Variants in FAM3C observed in about 807,000 individuals in gnomAD.
FAM3C encodes the protein protein FAM3C.
In FAM3C, 15 loss-of-function variants were observed where a neutral mutation model predicts 32.5. That is an observed-to-expected ratio of 0.46 (90% CI 0.31 to 0.71). The LOEUF is 0.71. Among genes scored for constraint, FAM3C ranks in the 30% least tolerant of loss-of-function variants. The pLI is 0.05. For synonymous variants in FAM3C, 75 were observed against 86.1 expected (o/e 0.87, Z 0.72); for missense variants, 175 against 274.4 (o/e 0.64, Z 2.56).
At chr7:121,385,908 T>A (rs1374006748) in intron 1 of FAM3C, among the ~76,000 whole-genome samples, 1 of 152,144 alleles carries the variant, frequency 6.6e-6, no homozygotes, top group Non-Finnish European at 1.5e-5. Context: ...CAGCAGCATA[T>A]ATGAGATCAG....
intron 7 of FAM3C, chr7:121,362,636 G>A: frequency 2.5e-6 from 1 of 403,280 alleles, no homozygotes; most frequent in Non-Finnish European, 4.3e-6. Flanking sequence ...TAGAAAACAA[G>A]ATGACTTTTT....
At chr7:121,380,767 T>G (rs1015856847) in intron 2 of FAM3C, among the ~76,000 whole-genome samples, 2 of 120,772 alleles carry the variant, frequency 1.7e-5, no homozygotes, top group African/African-American at 6.2e-5. Context: ...GACACTCACA[T>G]ATACCGTTTA....
chr7:121,354,408 G>A (rs1476206347), intron 8 of FAM3C, among the ~76,000 whole-genome samples: 2 of 152,096 alleles, frequency 1.3e-5, no homozygotes, highest in Non-Finnish European at 2.9e-5. Flanking sequence ...GACAGAGAAC[G>A]GTATCAGGTT....
At chr7:121,353,005 A>G (rs1793737634) in intron 8 of FAM3C, among the ~76,000 whole-genome samples, 1 of 152,162 alleles carries the variant, frequency 6.6e-6, no homozygotes, top group Non-Finnish European at 1.5e-5. Flanking sequence ...AGCTAAATGG[A>G]CTGCCTCCTG....
chr7:121,360,201 T>C, intron 7 of FAM3C, 74 bp from the exon 8 acceptor site: 2 of 781,636 alleles, frequency 2.6e-6, no homozygotes, highest in Non-Finnish European at 2.3e-6. Flanking sequence ...GAAAGTAGTA[T>C]TATAAAACAT....
chr7:121,366,596 T>G (rs1217269345), intron 5 of FAM3C, among the ~76,000 whole-genome samples: 1 of 152,086 alleles, frequency 6.6e-6, no homozygotes, highest in Admixed American at 6.6e-5. Context: ...GGTTTCTTTT[T>G]GAGGTATAAA....
intron 8 of FAM3C, among the ~76,000 whole-genome samples, chr7:121,356,664 G>GGTGAC (rs1793816365): frequency 6.6e-6 from 1 of 152,166 alleles, no homozygotes; most frequent in Non-Finnish European, 1.5e-5. Context: ...AGGCTCCAAT[G>GGTGAC]CTGCTTTAGG....
intron 8 of FAM3C, among the ~76,000 whole-genome samples, chr7:121,352,836 T>C (rs1018572673): frequency 6.6e-6 from 1 of 152,258 alleles, no homozygotes; most frequent in African/African-American, 2.4e-5. Flanking sequence ...TCTAAAAGGC[T>C]GTCAAATTCC....
At chr7:121,385,192 G>A (rs2116955681) in intron 1 of FAM3C, among the ~76,000 whole-genome samples, 1 of 152,140 alleles carries the variant, frequency 6.6e-6, no homozygotes, top group South Asian at 2.1e-4. Context: ...TTAAAAGGTA[G>A]AAATATAGAT....
chr7:121,368,972 G>GTTTTTTTTTTTTTTTTTTTTTTTTTTT (rs563834740), intron 5 of FAM3C, among the ~76,000 whole-genome samples: 1 of 96,200 alleles, frequency 1.0e-5, no homozygotes, highest in Non-Finnish European at 2.0e-5. Context: ...TGTTGTTGTT[G>GTTTTTTTTTTTTTTTTTTTTTTTTTTT]TTTTTTTTTT....
intron 8 of FAM3C, among the ~76,000 whole-genome samples, chr7:121,357,318 C>A (rs1269111728): frequency 6.6e-6 from 1 of 152,076 alleles, no homozygotes; most frequent in Non-Finnish European, 1.5e-5. Flanking sequence ...ATTCAGTGTA[C>A]GCACTTAACT....
At chr7:121,381,656 C>A (rs944818295) in intron 2 of FAM3C, among the ~76,000 whole-genome samples, 2 of 142,240 alleles carry the variant, frequency 1.4e-5, no homozygotes, top group Non-Finnish European at 3.1e-5. Flanking sequence ...CAAAGAACAT[C>A]CACACACACA....
At chr7:121,363,281 T>C (rs1793963618) in intron 6 of FAM3C, among the ~76,000 whole-genome samples, 1 of 152,214 alleles carries the variant, frequency 6.6e-6, no homozygotes, top group Non-Finnish European at 1.5e-5. Context: ...TCTCTTATTT[T>C]AAAATTACTC....
In FAM3C at chr7:121,371,311, C is replaced by T; in HGVS notation, c.261G>A (p.Leu87=). ...AANVVGPKIC[L]EDNVLMSGVK... is the part of the protein sequence containing the mutation. ...CAACAAAGACTTACACATTATCTTC[C>T]AGGCAGATTTTGGGTCCCACCACGT... The change falls in exon 5 of 10, where the codon CTG becomes CTA. Residue 87 remains leucine (L), a synonymous_variant. Coordinates refer to ENST00000359943, the MANE Select transcript of FAM3C (RefSeq NM_014888.3). 6.2e-7 allele frequency: 1 copy of T among 1,613,068 alleles called. No individual in the cohort carries two copies. The highest frequency in any genetic ancestry group is 8.5e-7 in the Non-Finnish European group (1 of 1,179,856).
chr7:121,360,491 C>T (rs1253626316), intron 7 of FAM3C, among the ~76,000 whole-genome samples: 2 of 152,120 alleles, frequency 1.3e-5, no homozygotes, highest in South Asian at 4.1e-4. Flanking sequence ...GGGGTCCATG[C>T]ATAAGCTTAA....
At chr7:121,371,670 T>C (rs1360948349) in intron 4 of FAM3C, among the ~76,000 whole-genome samples, 1 of 152,158 alleles carries the variant, frequency 6.6e-6, no homozygotes. Context: ...TAATAATGGA[T>C]GCAAATGAGT....
At chr7:121,380,475 T>C (rs1451235057) in intron 2 of FAM3C, among the ~76,000 whole-genome samples, 1 of 151,852 alleles carries the variant, frequency 6.6e-6, no homozygotes, top group Non-Finnish European at 1.5e-5. Flanking sequence ...TTCTCATTCA[T>C]AAGCAAAAGC....
intron 8 of FAM3C, among the ~76,000 whole-genome samples, chr7:121,354,261 T>C (rs1248516304): frequency 6.6e-6 from 1 of 152,200 alleles, no homozygotes; most frequent in Non-Finnish European, 1.5e-5. Context: ...CATAGGGCAC[T>C]CTGAGTTTGT....
At chr7:121,375,474 T>A (rs561066860) in intron 3 of FAM3C, among the ~76,000 whole-genome samples, 3 of 152,270 alleles carry the variant, frequency 2.0e-5, no homozygotes, top group Admixed American at 6.5e-5. Context: ...TATCCTCTAG[T>A]AACTGGAAAT....
Sources: gnomAD v4.1 joint callset for allele counts (sites outside exome capture counted in the v4.1 genomes callset) on GRCh38, gnomAD v4.1.1 for gene constraint, MANE v1.5 for transcripts, NCBI Gene and HGNC (gene_info 2026-07-23, HGNC 2026-07-21) for gene names.